The following MIPOL1 variants were observed in gnomAD, a reference collection of about 807,000 sequenced individuals.
MIPOL1 encodes mirror-image polydactyly gene 1 protein.
A neutral mutation model predicts 60.9 loss-of-function variants in MIPOL1; 57 were observed. The ratio of observed to expected loss-of-function variants is 0.94; its 90% CI spans 0.76 to 1.17. The LOEUF (loss-of-function observed/expected upper bound fraction) is 1.17. MIPOL1 is among the 50% of genes most tolerant of loss of function. The probability of loss-of-function intolerance (pLI) is 0.00; values close to 1 mark genes in which losing one functional copy is unlikely to be tolerated. For synonymous variants in MIPOL1, 179 were observed against 168.8 expected, an observed-to-expected ratio of 1.06 and a Z score of -0.47; for missense variants, 551 against 511.6, an observed-to-expected ratio of 1.08 and a Z score of -0.74.
intron 11 of MIPOL1, among the ~76,000 whole-genome samples, chr14:37,465,078 T>C (rs2094582571): frequency 6.6e-6 from 1 of 152,174 alleles, no homozygotes; most frequent in African/African-American, 2.4e-5. Context: ...AATAACTTTA[T>C]AATAAACATT....
chr14:37,468,187 A>G (rs1331323772), intron 11 of MIPOL1, among the ~76,000 whole-genome samples: 14 of 151,212 alleles, frequency 9.3e-5, no homozygotes, highest in Non-Finnish European at 1.9e-4. Flanking sequence ...TGTGTGTGCA[A>G]TTGTGTGTGT....
chr14:37,444,965 T>C (rs2094309422), intron 11 of MIPOL1, among the ~76,000 whole-genome samples: 2 of 152,146 alleles, frequency 1.3e-5, no homozygotes, highest in African/African-American at 4.8e-5. Flanking sequence ...CCACAGCCAA[T>C]ATCATACTGA....
At chr14:37,396,714 A>G (rs2093378730) in intron 10 of MIPOL1, among the ~76,000 whole-genome samples, 1 of 151,990 alleles carries the variant, frequency 6.6e-6, no homozygotes, top group Non-Finnish European at 1.5e-5. Flanking sequence ...GGTTAATTCA[A>G]AGACCTTGTC....
At chr14:37,473,381 G>A (rs1403646176) in intron 11 of MIPOL1, among the ~76,000 whole-genome samples, 1 of 151,182 alleles carries the variant, frequency 6.6e-6, no homozygotes, top group Non-Finnish European at 1.5e-5. Context: ...TCTTTAAAAC[G>A]ACCCCGCCTC....
intron 11 of MIPOL1, among the ~76,000 whole-genome samples, chr14:37,438,518 T>G (rs139487166): frequency 0.012 from 1,820 of 152,320 alleles, 16 homozygotes; most frequent in Non-Finnish European, 0.015. Flanking sequence ...TAGCTGGGCC[T>G]TTTACTTTGC....
chr14:37,406,315 G>A (rs72674203), intron 10 of MIPOL1, among the ~76,000 whole-genome samples: 2,077 of 152,154 alleles, frequency 0.014, 26 homozygotes, highest in Admixed American at 0.025. Context: ...ATTTTTTGCT[G>A]GCAAGACAAG....
intron 6 of MIPOL1, among the ~76,000 whole-genome samples, chr14:37,272,852 A>T (rs953417147): frequency 6.6e-6 from 1 of 151,578 alleles, no homozygotes; most frequent in Non-Finnish European, 1.5e-5. Flanking sequence ...CCATTTCACA[A>T]TAAAAGAAAT....
chr14:37,466,577 A>C (rs1211931801), intron 11 of MIPOL1, among the ~76,000 whole-genome samples: 1 of 152,192 alleles, frequency 6.6e-6, no homozygotes, highest in Non-Finnish European at 1.5e-5. Context: ...GCCATTGATT[A>C]GCTATCAGGA....
At chr14:37,476,522 G>A (rs539928771) in intron 11 of MIPOL1, among the ~76,000 whole-genome samples, 1 of 152,266 alleles carries the variant, frequency 6.6e-6, no homozygotes, top group South Asian at 2.1e-4. Context: ...GATCGTAGGG[G>A]TAAAGCATCT....
intron 1 of MIPOL1, among the ~76,000 whole-genome samples, chr14:37,213,439 C>A (rs1967046436): frequency 6.6e-6 from 1 of 152,092 alleles, no homozygotes; most frequent in Admixed American, 6.5e-5. Flanking sequence ...AAGAATGCAT[C>A]TAAGTCGTTT....
intron 9 of MIPOL1, among the ~76,000 whole-genome samples, chr14:37,335,799 G>C (rs2090061088): frequency 6.6e-6 from 1 of 151,880 alleles, no homozygotes; most frequent in African/African-American, 2.4e-5. Context: ...GTATATTCTG[G>C]ATTAAACTCC....
intron 1 of MIPOL1, among the ~76,000 whole-genome samples, chr14:37,216,041 T>G (rs1206511737): frequency 7.7e-6 from 1 of 130,490 alleles, no homozygotes; most frequent in Non-Finnish European, 1.6e-5. Flanking sequence ...CCAGCCTGGG[T>G]GACAGAGCAA....
rs112421253 is a variant in MIPOL1 at position 37,469,308 on chromosome 14, A to C, written c.1032-30600A>C. 5.7e-3 allele frequency among the ~76,000 whole-genome samples: 870 copies of C among 152,286 alleles called. 9 individuals are homozygous for C. The highest frequency in any genetic ancestry group is 0.019 in the African/African-American group (797 of 41,574). On this transcript the variant is annotated intron_variant, in intron 11 of 12. Transcript: ENST00000684589. The stretch of plus-strand genomic sequence containing the variant: ...AGCAGATATGTCACATAGCTAGAGC[A>C]GGAGGAAGAGAGAGAGAGAGCAGGG...
chr14:37,322,589 A>G (rs1225042982), intron 9 of MIPOL1, among the ~76,000 whole-genome samples: 1 of 151,778 alleles, frequency 6.6e-6, no homozygotes, highest in Non-Finnish European at 1.5e-5. Flanking sequence ...TTCTTTAAAA[A>G]TATTTACTCA....
intron 12 of MIPOL1, among the ~76,000 whole-genome samples, chr14:37,533,272 T>C (rs930066868): frequency 6.6e-6 from 1 of 152,124 alleles, no homozygotes; most frequent in African/African-American, 2.4e-5. Context: ...CGTCTGAAAG[T>C]CCAGTAATAC....
chr14:37,219,925 T>C (rs1968460481), intron 1 of MIPOL1, among the ~76,000 whole-genome samples: 1 of 152,228 alleles, frequency 6.6e-6, no homozygotes, highest in African/African-American at 2.4e-5. Flanking sequence ...TATCTTTGTT[T>C]TATATTGTCT....
At chr14:37,356,770 G>C (rs1241294510) in intron 9 of MIPOL1, among the ~76,000 whole-genome samples, 1 of 152,128 alleles carries the variant, frequency 6.6e-6, no homozygotes, top group Non-Finnish European at 1.5e-5. Flanking sequence ...TTCGGCTCAC[G>C]CACGGTGCGC....
At chr14:37,213,135 A>G (rs1438658878) in intron 1 of MIPOL1, among the ~76,000 whole-genome samples, 2 of 152,208 alleles carry the variant, frequency 1.3e-5, no homozygotes, top group African/African-American at 4.8e-5. Flanking sequence ...ACTACAATAA[A>G]TACCTAACTC....
At position 37,467,436 on chromosome 14, in the gene MIPOL1, T is replaced by C. The variant is rs956984028; in HGVS notation, c.1032-32472T>C. ...ATCAACAAAATTATGATAAATATCA[T>C]TTTTTATAACTCCCTGTCTATTCTC... On this transcript the variant is annotated intron_variant, in intron 11 of 12. Transcript: ENST00000684589. 5.3e-5 allele frequency among the ~76,000 whole-genome samples: 8 copies of C among 152,324 alleles called. No individual in the cohort carries two copies. In the East Asian group the frequency reaches 1.5e-3, roughly 29 times the overall value.
Sources: allele counts gnomAD v4.1 joint callset (sites outside exome capture counted in the v4.1 genomes callset), GRCh38; gene constraint gnomAD v4.1.1; transcripts MANE v1.5; gene names NCBI Gene and HGNC (gene_info 2026-07-23, HGNC 2026-07-21).